The following VRK1 variants were observed in gnomAD, a reference collection of about 807,000 sequenced individuals.
The protein encoded by VRK1 is serine/threonine-protein kinase VRK1.
Under a neutral mutation model 57.1 loss-of-function variants are expected in VRK1, and 33 were observed. The observed-to-expected ratio is 0.58, with a 90% CI of 0.44 to 0.77. The LOEUF is 0.77. VRK1 is among the 30% of genes least tolerant of loss of function. VRK1 has a pLI of 0.00. For missense variants in VRK1, 413 were observed against 477.3 expected (o/e 0.87, Z 1.25); for synonymous variants, 137 against 147.8 (o/e 0.93, Z 0.53).
At chr14:96,842,710 A>T (rs903473092) in intron 3 of VRK1, among the ~76,000 whole-genome samples, 1 of 152,234 alleles carries the variant, frequency 6.6e-6, no homozygotes, top group Non-Finnish European at 1.5e-5. Flanking sequence ...GTAGAGTATG[A>T]TCAGAATCTG....
Position 96,852,026 on chromosome 14 carries a change from G to A in VRK1, c.375-805G>A, listed in dbSNP as rs1320306097. ...ACAAGTTAGAATCTGGAAAACTATT[G>A]AAGATAAAAGTGGTCCTCAGAGCAG... On this transcript the variant is annotated intron_variant, in intron 5 of 12. Coordinates refer to ENST00000216639, the MANE Select transcript of VRK1 (RefSeq NM_003384.3). Among the ~76,000 whole-genome samples, 3 of 152,186 alleles carry A rather than the reference G, an allele frequency of 2.0e-5. No homozygotes were observed. The East Asian group carries it at 5.8e-4, about 29-fold the overall frequency.
intron 1 of VRK1, among the ~76,000 whole-genome samples, chr14:96,825,450 A>G (rs957932445): frequency 2.0e-5 from 3 of 152,214 alleles, no homozygotes; most frequent in Non-Finnish European, 4.4e-5. Context: ...TTGGGGAAAA[A>G]TACTAAACTT....
At chr14:96,875,187 G>A (rs1371367666) in intron 11 of VRK1, among the ~76,000 whole-genome samples, 2 of 152,202 alleles carry the variant, frequency 1.3e-5, no homozygotes, top group East Asian at 3.8e-4. Context: ...TTTTACCTAT[G>A]TATAGAGATG....
intron 11 of VRK1, among the ~76,000 whole-genome samples, chr14:96,872,397 G>T (rs1355754946): frequency 1.3e-5 from 2 of 152,162 alleles, no homozygotes; most frequent in Admixed American, 1.3e-4. Context: ...TTAAGGGTTA[G>T]ATAAATGAGG....
intron 12 of VRK1, among the ~76,000 whole-genome samples, chr14:96,878,905 G>A (rs1294820442): frequency 2.0e-5 from 3 of 152,062 alleles, no homozygotes; most frequent in Admixed American, 1.3e-4. Context: ...AGCTAATATA[G>A]CCATGATATT....
chr14:96,847,697 C>T (rs1887768427), intron 5 of VRK1, among the ~76,000 whole-genome samples: 1 of 152,178 alleles, frequency 6.6e-6, no homozygotes, highest in Non-Finnish European at 1.5e-5. Flanking sequence ...GTTCTTCATG[C>T]AAAAGGGAAC....
intron 9 of VRK1, 65 bp from the exon 10 acceptor site, chr14:96,856,463 A>G (rs565077670): frequency 1.5e-5 from 22 of 1,443,502 alleles, no homozygotes; most frequent in African/African-American, 7.1e-5. Flanking sequence ...AATGTGCTAT[A>G]TATTTTTATT....
At chr14:96,863,365 C>A (rs1014218842) in intron 11 of VRK1, among the ~76,000 whole-genome samples, 1 of 152,174 alleles carries the variant, frequency 6.6e-6, no homozygotes, top group South Asian at 2.1e-4. Context: ...TGTACCTGAT[C>A]TAGGCTAGGT....
chr14:96,828,931 CT>C (rs1267714202), intron 1 of VRK1, among the ~76,000 whole-genome samples: 1 of 152,190 alleles, frequency 6.6e-6, no homozygotes, highest in African/African-American at 2.4e-5. Flanking sequence ...TCCTCCACAT[CT>C]TTTTCCATTA....
chr14:96,844,055 C>T (rs1196060960), intron 3 of VRK1, among the ~76,000 whole-genome samples: 4 of 152,150 alleles, frequency 2.6e-5, no homozygotes, highest in African/African-American at 9.7e-5. Context: ...CTCTTTCAAA[C>T]CTGAATTATA....
chr14:96,862,761 G>T (rs1260350520), intron 11 of VRK1, among the ~76,000 whole-genome samples: 1 of 152,050 alleles, frequency 6.6e-6, no homozygotes, highest in Non-Finnish European at 1.5e-5. Context: ...TGCTCTGGAT[G>T]TCAGGAGGCT....
intron 5 of VRK1, among the ~76,000 whole-genome samples, chr14:96,851,177 T>C (rs1428870346): frequency 6.6e-6 from 1 of 152,126 alleles, no homozygotes; most frequent in East Asian, 1.9e-4. Flanking sequence ...AGTTTGCTCT[T>C]GTCGTGCAGC....
At chr14:96,814,072 A>G (rs1886304298) in intron 1 of VRK1, among the ~76,000 whole-genome samples, 2 of 152,196 alleles carry the variant, frequency 1.3e-5, no homozygotes, top group East Asian at 3.8e-4. Context: ...ATTTATACAT[A>G]AGAGCTATAA....
At chr14:96,803,260 C>T (rs1595634249) in intron 1 of VRK1, among the ~76,000 whole-genome samples, 1 of 151,616 alleles carries the variant, frequency 6.6e-6, no homozygotes, top group African/African-American at 2.4e-5. Flanking sequence ...CAACCTCCGC[C>T]TCCCAGGGTC....
intron 1 of VRK1, among the ~76,000 whole-genome samples, chr14:96,801,531 A>G (rs1885660921): frequency 6.6e-6 from 1 of 152,148 alleles, no homozygotes; most frequent in South Asian, 2.1e-4. Context: ...AGCTATCAAC[A>G]TAGAGATTAT....
intron 4 of VRK1, among the ~76,000 whole-genome samples, chr14:96,846,907 G>T (rs571914517): frequency 1.3e-5 from 2 of 151,940 alleles, no homozygotes. Flanking sequence ...TTATATGAGG[G>T]ACTTGAGCAT....
intron 1 of VRK1, among the ~76,000 whole-genome samples, chr14:96,832,837 A>G (rs1020824487): frequency 2.0e-5 from 3 of 152,080 alleles, no homozygotes; most frequent in Admixed American, 6.6e-5. Context: ...ATAATTGTGG[A>G]GCATGTTGGT....
chr14:96,804,444 A>G (rs557646291), intron 1 of VRK1, among the ~76,000 whole-genome samples: 2 of 152,352 alleles, frequency 1.3e-5, no homozygotes, highest in African/African-American at 4.8e-5. Context: ...GTGGGAAAAC[A>G]TTTTAGAGAA....
At chr14:96,802,131 C>T (rs1032087151) in intron 1 of VRK1, among the ~76,000 whole-genome samples, 1 of 152,106 alleles carries the variant, frequency 6.6e-6, no homozygotes, top group African/African-American at 2.4e-5. Context: ...AATGCTGACT[C>T]TAAAATTTAT....
Sources: gnomAD v4.1 joint callset for allele counts (sites outside exome capture counted in the v4.1 genomes callset) on GRCh38, gnomAD v4.1.1 for gene constraint, MANE v1.5 for transcripts, NCBI Gene and HGNC (gene_info 2026-07-23, HGNC 2026-07-21) for gene names.